The following TSPAN8 variants were observed in gnomAD, a reference collection of about 807,000 sequenced individuals.
TSPAN8 encodes tetraspanin 8.
TSPAN8 carries 21 observed loss-of-function variants against 32.8 expected under a neutral mutation model. That is an observed-to-expected ratio of 0.64 (90% CI 0.45 to 0.92). The LOEUF is 0.92. Ranked by LOEUF, TSPAN8 falls within the 40% of genes least tolerant of loss-of-function variation. The pLI is 0.00. For synonymous variants in TSPAN8, 95 were observed against 94.6 expected, an observed-to-expected ratio of 1.00 and a Z score of -0.03; for missense variants, 269 against 281.9, an observed-to-expected ratio of 0.95 and a Z score of 0.33.
At chr12:71,133,977 A>C (rs1354449454) in intron 6 of TSPAN8, among the ~76,000 whole-genome samples, 1 of 152,182 alleles carries the variant, frequency 6.6e-6, no homozygotes, top group Non-Finnish European at 1.5e-5. Flanking sequence ...CAATGCCAAG[A>C]TATTGAAAGA....
chr12:71,149,224 C>T (rs962290918), intron 2 of TSPAN8, among the ~76,000 whole-genome samples: 2 of 151,848 alleles, frequency 1.3e-5, no homozygotes, highest in African/African-American at 2.4e-5. Context: ...AAAAATTAGC[C>T]GAGTGTGGTG....
At position 71,129,414 on chromosome 12, in the gene TSPAN8, T is replaced by A; in HGVS notation, c.577A>T (p.Thr193Ser). The change falls in exon 8 of 9, where the codon ACC becomes TCC. Residue 193 changes from threonine to serine, a missense_variant and splice_region_variant. Transcript: ENST00000247829. ...SYNGKQVYKETCISFIKDFLA... is the reference protein window; with the variant it reads ...SYNGKQVYKESCISFIKDFLA... ...AAGTCTTTTATGAAAGAAATACAGG[T>A]CTGTTAAAAAAAAAAAACATTAAAA... The A allele has an allele frequency of 6.5e-7, 1 of 1,546,602 alleles. No individual in the cohort carries two copies. The highest frequency in any genetic ancestry group is 1.5e-5 in the African/African-American group (1 of 68,376).
intron 6 of TSPAN8, among the ~76,000 whole-genome samples, chr12:71,135,423 CAA>C (rs1428811244): frequency 2.3e-5 from 3 of 130,484 alleles, no homozygotes; most frequent in Non-Finnish European, 3.2e-5. Flanking sequence ...AGGAGGAAAA[CAA>C]GAGGAGGAGG....
rs1048832652 is a variant in TSPAN8 at position 71,132,782 on chromosome 12, T to C, written c.487A>G (p.Asn163Asp). The C allele has an allele frequency of 7.4e-6, 12 of 1,613,896 alleles. No individual in the cohort carries two copies. In the Admixed American group the frequency reaches 1.5e-4, roughly 20 times the overall value. Residue 163 changes from asparagine to aspartate, a missense_variant, in exon 7 of 9, where the codon AAT (asparagine) becomes GAT (aspartate). Coordinates refer to ENST00000247829, the MANE Select transcript of TSPAN8 (RefSeq NM_004616.3). ...GLVNGAADWG[N>D]NFQHYPELCA... ...AATTCAGGATAGTGTTGAAAATTAT[T>C]TCCCCAATCAGCAGCTCCATTGACC... is the stretch of plus-strand genomic sequence containing the variant.
chr12:71,128,572 C>G (rs1871414815), intron 8 of TSPAN8, among the ~76,000 whole-genome samples: 1 of 151,556 alleles, frequency 6.6e-6, no homozygotes, highest in South Asian at 2.1e-4. Context: ...TTCCAAAATG[C>G]TTCTCTGAAG....
At chr12:71,125,465 T>C (rs1871323246) in intron 8 of TSPAN8, 78 bp from the exon 9 acceptor site, 2 of 1,223,676 alleles carry the variant, frequency 1.6e-6, no homozygotes, top group African/African-American at 3.1e-5. Context: ...AGAAAGAACA[T>C]TATATATGAA....
At chr12:71,127,435 A>G (rs992608175) in intron 8 of TSPAN8, among the ~76,000 whole-genome samples, 4 of 152,176 alleles carry the variant, frequency 2.6e-5, no homozygotes, top group African/African-American at 9.6e-5. Flanking sequence ...AATTTTAAAA[A>G]GTTCAAACAA....
At chr12:71,152,689 A>C (rs1296209942) in intron 2 of TSPAN8, among the ~76,000 whole-genome samples, 6 of 152,172 alleles carry the variant, frequency 3.9e-5, no homozygotes. Context: ...CTCCATGCTA[A>C]TTACATAGGG....
At chr12:71,125,771 T>C (rs1871332740) in intron 8 of TSPAN8, among the ~76,000 whole-genome samples, 1 of 152,134 alleles carries the variant, frequency 6.6e-6, no homozygotes, top group African/African-American at 2.4e-5. Context: ...ACGTAATGCT[T>C]CCATAAAAAG....
At chr12:71,150,168 G>A (rs1045203688) in intron 2 of TSPAN8, among the ~76,000 whole-genome samples, 4 of 152,116 alleles carry the variant, frequency 2.6e-5, no homozygotes, top group South Asian at 4.1e-4. Flanking sequence ...GGGTCAGACC[G>A]GTTCTCTGCT....
In TSPAN8 at chr12:71,139,741, A is replaced by G; in HGVS notation, c.231T>C (p.Ala77=). 1 of 1,613,954 alleles carries G rather than the reference A, an allele frequency of 6.2e-7. No individual in the cohort carries two copies. The highest frequency in any genetic ancestry group is 8.5e-7 in the Non-Finnish European group (1 of 1,179,876). The change falls in exon 4 of 9, where the codon GCT becomes GCC. Residue 77 remains alanine, a synonymous_variant. Transcript: ENST00000247829. ...MILGFLGCCG[A]IKESRCMLLL... is the part of the protein sequence containing the mutation. ...GAAGCATGCAGCGACTTTCTTTTAT[A>G]GCACCGCAGCATCCCAGGAAGCCCA...
At position 71,125,268 on chromosome 12, in the gene TSPAN8, A is replaced by T; in HGVS notation, c.*66T>A. ...GACTTATATAGCACTTACATATTTA[A>T]ATTTACAAAGCCAAAGCAACATTTT... On this transcript the variant is annotated 3_prime_UTR_variant, in exon 9 of 9. Coordinates refer to ENST00000247829, the MANE Select transcript of TSPAN8 (RefSeq NM_004616.3). 1 of 1,456,844 alleles carries T rather than the reference A, an allele frequency of 6.9e-7. No individual in the cohort carries two copies. Among genetic ancestry groups the T allele is most frequent in the Non-Finnish European group, 9.4e-7 (1 of 1,058,224 alleles). The allele number at this position is 1,456,844 out of a possible 1,614,324, so 90.2% of individuals were successfully genotyped here.
rs1871566462 is a variant in TSPAN8 at position 71,132,915 on chromosome 12, TA to T, written c.445-92del. The T allele has an allele frequency of 2.8e-6, 4 of 1,424,778 alleles. No individual in the cohort carries two copies. In the Admixed American group the frequency reaches 7.7e-5, roughly 28 times the overall value. The allele number at this position is 1,424,778 out of a possible 1,614,324, so 88.3% of individuals were successfully genotyped here. On this transcript the variant is annotated intron_variant, in intron 6 of 8. Transcript: ENST00000247829. ...AATTATAATCTTCTGAAATCATTAT[TA>T]AAGGTTATTATGCTAAAATACCATG...
chr12:71,155,272 CCAT>C (rs1872389556), intron 2 of TSPAN8, among the ~76,000 whole-genome samples: 1 of 152,114 alleles, frequency 6.6e-6, no homozygotes, highest in African/African-American at 2.4e-5. Context: ...TGGCACTTGA[CCAT>C]CAATGGCTAC....
chr12:71,147,148 G>A (rs534808256), intron 2 of TSPAN8, among the ~76,000 whole-genome samples: 1 of 152,040 alleles, frequency 6.6e-6, no homozygotes, highest in East Asian at 1.9e-4. Context: ...ATCTTGTTAT[G>A]AGAGCCCAAG....
intron 2 of TSPAN8, among the ~76,000 whole-genome samples, chr12:71,145,468 A>C (rs1872044400): frequency 6.6e-6 from 1 of 152,110 alleles, no homozygotes. Flanking sequence ...TAACCACCAA[A>C]TAACCTATGC....
At position 71,157,746 on chromosome 12, in the gene TSPAN8, T is replaced by C. The variant is rs1592414657; in HGVS notation, c.-68A>G. ...TTCGTTACAGGCTTGTCCTGCAATA[T>C]GCTCTGGAGCAACTTGCCTGCAGAG... On this transcript the variant is annotated 5_prime_UTR_variant, in exon 2 of 9. Coordinates refer to ENST00000247829, the MANE Select transcript of TSPAN8 (RefSeq NM_004616.3). 1 of 1,265,508 alleles carries C rather than the reference T, an allele frequency of 7.9e-7. No homozygotes were observed. Among genetic ancestry groups the C allele is most frequent in the South Asian group, 1.2e-5 (1 of 82,960 alleles). 78.4% of individuals were successfully genotyped at this position (1,265,508 alleles called of 1,614,324 possible).
chr12:71,139,268 G>A (rs1472194107), intron 4 of TSPAN8: 2 of 459,364 alleles, frequency 4.4e-6, no homozygotes, highest in Non-Finnish European at 4.4e-6. Flanking sequence ...TTTCCGGAAA[G>A]CTTTTCCTAC....
intron 2 of TSPAN8, among the ~76,000 whole-genome samples, chr12:71,147,553 C>T (rs973356533): frequency 2.6e-5 from 4 of 152,172 alleles, no homozygotes; most frequent in Non-Finnish European, 4.4e-5. Context: ...ACACTAGAGG[C>T]GACTCCATGA....
Sources: allele counts gnomAD v4.1 joint callset (sites outside exome capture counted in the v4.1 genomes callset), GRCh38; gene constraint gnomAD v4.1.1; transcripts MANE v1.5; gene names NCBI Gene and HGNC (gene_info 2026-07-23, HGNC 2026-07-21).